Variants in PHKB observed in about 807,000 individuals in gnomAD.
The protein encoded by PHKB is phosphorylase kinase regulatory subunit beta, also known as phosphorylase b kinase regulatory subunit beta.
Under a neutral mutation model 152.1 loss-of-function variants are expected in PHKB, and 122 were observed. That is an observed-to-expected ratio of 0.80 (90% CI 0.69 to 0.93). The LOEUF (loss-of-function observed/expected upper bound fraction) is 0.93. Ranked by LOEUF, PHKB falls within the 40% of genes least tolerant of loss-of-function variation. PHKB has a pLI of 0.00. For missense variants in PHKB, 1,304 were observed against 1,328.4 expected (o/e 0.98, Z 0.29); for synonymous variants, 436 against 464.9 (o/e 0.94, Z 0.80).
chr16:47,679,420 T>G (rs1291816786), intron 26 of PHKB, among the ~76,000 whole-genome samples: 1 of 152,228 alleles, frequency 6.6e-6, no homozygotes, highest in Non-Finnish European at 1.5e-5. Context: ...TGTTCTTCCA[T>G]TTGTTTGTGT....
At chr16:47,591,755 A>G (rs1266972346) in intron 10 of PHKB, among the ~76,000 whole-genome samples, 1 of 151,910 alleles carries the variant, frequency 6.6e-6, no homozygotes, top group Non-Finnish European at 1.5e-5. Context: ...CCTCGCTTAG[A>G]TGTCTTACAG....
At chr16:47,631,462 G>A (rs1409295836) in intron 14 of PHKB, among the ~76,000 whole-genome samples, 2 of 152,302 alleles carry the variant, frequency 1.3e-5, no homozygotes, top group East Asian at 3.9e-4. Context: ...ACAAATGTAA[G>A]CAAGAACATA....
In PHKB at chr16:47,693,497, A is replaced by G; in HGVS notation, c.2885A>G (p.His962Arg). The stretch of plus-strand genomic sequence containing the variant: ...AATGGGATCATTGTTGCTGGGAAGC[A>G]TTTGCCTCAGGTAAAGCCCCACCAT... ...TPNGIIVAGK[H>R]LPQQPTLSDM... is the part of the protein sequence containing the mutation. The change falls in exon 28 of 31, where the codon CAT becomes CGT. Residue 962 changes from histidine to arginine, a missense_variant. By Grantham distance (29) the His-to-Arg change is conservative (BLOSUM62 0). Coordinates refer to ENST00000323584, the MANE Select transcript of PHKB (RefSeq NM_000293.3). 6.2e-7 allele frequency: 1 copy of G among 1,614,062 alleles called. No homozygotes were observed. Among genetic ancestry groups the G allele is most frequent in the Non-Finnish European group, 8.5e-7 (1 of 1,179,994 alleles).
At chr16:47,556,174 A>G (rs1971365977) in intron 7 of PHKB, among the ~76,000 whole-genome samples, 1 of 152,222 alleles carries the variant, frequency 6.6e-6, no homozygotes, top group Non-Finnish European at 1.5e-5. Flanking sequence ...TTGGGCTGAG[A>G]CAATGGAGTT....
intron 1 of PHKB, among the ~76,000 whole-genome samples, chr16:47,496,466 T>C (rs1970234287): frequency 1.3e-5 from 2 of 152,158 alleles, no homozygotes; most frequent in African/African-American, 4.8e-5. Context: ...AAAAACAGAA[T>C]CTTAATCTGT....
At chr16:47,582,008 A>G (rs1971856722) in intron 8 of PHKB, among the ~76,000 whole-genome samples, 1 of 152,184 alleles carries the variant, frequency 6.6e-6, no homozygotes, top group Non-Finnish European at 1.5e-5. Context: ...TTATGAAGTA[A>G]TAGTAATACA....
chr16:47,577,321 TA>T (rs1459723098), intron 7 of PHKB, among the ~76,000 whole-genome samples: 1 of 152,156 alleles, frequency 6.6e-6, no homozygotes, highest in Non-Finnish European at 1.5e-5. Flanking sequence ...ATAGTTATCT[TA>T]AATATTTCCT....
chr16:47,563,238 T>A (rs1971506248), intron 7 of PHKB, among the ~76,000 whole-genome samples: 1 of 150,706 alleles, frequency 6.6e-6, no homozygotes, highest in Admixed American at 6.7e-5. Flanking sequence ...GCATCTAGAA[T>A]GGCGAGTCCT....
chr16:47,681,953 T>G (rs933546471), intron 26 of PHKB, among the ~76,000 whole-genome samples: 1 of 152,220 alleles, frequency 6.6e-6, no homozygotes, highest in Non-Finnish European at 1.5e-5. Context: ...GGAGCTCTTT[T>G]AGGGCAGGCC....
chr16:47,525,734 T>C (rs554048691), intron 6 of PHKB, among the ~76,000 whole-genome samples: 2 of 152,312 alleles, frequency 1.3e-5, no homozygotes, highest in Non-Finnish European at 2.9e-5. Context: ...AACTCTTCAT[T>C]ATTCATCTTT....
chr16:47,511,435 C>T (rs762477954), intron 4 of PHKB, among the ~76,000 whole-genome samples: 1 of 152,144 alleles, frequency 6.6e-6, no homozygotes, highest in Non-Finnish European at 1.5e-5. Flanking sequence ...CCATACTATA[C>T]CTGAGTTGCT....
intron 24 of PHKB, chr16:47,664,065 A>G (rs1973492797): frequency 6.4e-6 from 2 of 310,632 alleles, no homozygotes; most frequent in Admixed American, 4.6e-5. Context: ...CTGTTCTGCT[A>G]TTATAGAAGG....
At chr16:47,503,161 G>C (rs1326467018) in intron 4 of PHKB, 71 bp downstream of exon 4, 1 of 1,033,354 alleles carries the variant, frequency 9.7e-7, no homozygotes, top group East Asian at 2.5e-5. Flanking sequence ...TATCGCAATG[G>C]TTTCTTCTGA....
At chr16:47,685,540 G>A (rs147560843) in intron 26 of PHKB, among the ~76,000 whole-genome samples, 2 of 152,254 alleles carry the variant, frequency 1.3e-5, no homozygotes, top group African/African-American at 4.8e-5. Context: ...TTTATTAGTA[G>A]TCCTACAAAT....
At chr16:47,591,507 G>GACC (rs1202214906) in intron 10 of PHKB, among the ~76,000 whole-genome samples, 1 of 152,074 alleles carries the variant, frequency 6.6e-6, no homozygotes, top group Non-Finnish European at 1.5e-5. Flanking sequence ...CATTGGCTGT[G>GACC]ACCCCTTTCT....
intron 4 of PHKB, among the ~76,000 whole-genome samples, chr16:47,503,769 C>T (rs1970364011): frequency 6.6e-6 from 1 of 152,000 alleles, no homozygotes; most frequent in Admixed American, 6.5e-5. Flanking sequence ...GCGGAGGTTG[C>T]AGTGAGCCAA....
At chr16:47,556,456 T>A (rs189160271) in intron 7 of PHKB, among the ~76,000 whole-genome samples, 2 of 152,310 alleles carry the variant, frequency 1.3e-5, no homozygotes, top group East Asian at 3.9e-4. Flanking sequence ...AATACCTAAT[T>A]TATTGAGAGT....
At position 47,699,587 on chromosome 16, in the gene PHKB, C is replaced by T. The variant is rs1974213779; in HGVS notation, c.*221C>T. On this transcript the variant is annotated 3_prime_UTR_variant, in exon 31 of 31. Transcript: ENST00000323584. Reference sequence around the variant, plus strand: ...CAGGAAAAAGTTCTCATGATTATGCCAACTATAATAGTAATCCTCACTGAG... The same window carrying T: ...CAGGAAAAAGTTCTCATGATTATGCTAACTATAATAGTAATCCTCACTGAG... 4 of 599,278 alleles carry T rather than the reference C, an allele frequency of 6.7e-6. No homozygotes were observed. Among genetic ancestry groups the T allele is most frequent in the African/African-American group, 1.8e-5 (1 of 54,418 alleles). 37.1% of individuals were successfully genotyped at this position (599,278 alleles called of 1,614,324 possible). A position where few individuals can be genotyped will look rare whatever the true frequency, so the allele number is the denominator to read the frequency against.
At position 47,585,705 on chromosome 16, in the gene PHKB, A is replaced by G. The variant is rs117969379; in HGVS notation, c.775-1963A>G. ...TATAAGATTATTTTTCCCTTTGGGC[A>G]TATTTCTTAGGTTGGCAGAGAAAAA... is the stretch of plus-strand genomic sequence containing the variant. On this transcript the variant is annotated intron_variant, in intron 8 of 30. Coordinates refer to ENST00000323584, the MANE Select transcript of PHKB (RefSeq NM_000293.3). 2.8e-3 allele frequency among the ~76,000 whole-genome samples: 431 copies of G among 152,320 alleles called. 1 individual carries two copies. The highest frequency in any genetic ancestry group is 3.0e-3 in the Non-Finnish European group (206 of 68,032).
Sources: gnomAD v4.1 joint callset for allele counts (sites outside exome capture counted in the v4.1 genomes callset) on GRCh38, gnomAD v4.1.1 for gene constraint, MANE v1.5 for transcripts, NCBI Gene and HGNC (gene_info 2026-07-23, HGNC 2026-07-21) for gene names.